Variants in LNP1 observed in about 807,000 individuals in gnomAD.
The protein encoded by LNP1 is leukemia NUP98 fusion partner 1.
LNP1 carries 12 observed loss-of-function variants against 14.5 expected under a neutral mutation model. The observed-to-expected ratio is 0.83, with a 90% CI of 0.53 to 1.34. The LOEUF is 1.34. Ranked by LOEUF, LNP1 falls within the 40% of genes most tolerant of loss-of-function variation. The pLI, the probability that LNP1 is intolerant of heterozygous loss-of-function variation, is 0.00. For synonymous variants in LNP1, 75 were observed against 71.4 expected, an observed-to-expected ratio of 1.05 and a Z score of -0.26; for missense variants, 198 against 210.9, an observed-to-expected ratio of 0.94 and a Z score of 0.38.
At chr3:100,446,005 G>A (rs28783481) in intron 2 of LNP1, among the ~76,000 whole-genome samples, 1,766 of 152,242 alleles carry the variant, frequency 0.012, 23 homozygotes, top group African/African-American at 0.039. Flanking sequence ...AATCAATATC[G>A]TAAAAATGGC....
chr3:100,409,416 G>A (rs1469536809), intron 1 of LNP1, among the ~76,000 whole-genome samples: 3 of 151,464 alleles, frequency 2.0e-5, no homozygotes, highest in Non-Finnish European at 2.9e-5. Flanking sequence ...AGGCTGAGGC[G>A]GGTTGATCAT....
intron 2 of LNP1, among the ~76,000 whole-genome samples, chr3:100,436,655 A>T (rs1401229099): frequency 6.6e-6 from 1 of 152,008 alleles, no homozygotes; most frequent in Non-Finnish European, 1.5e-5. Flanking sequence ...TTTATATTAC[A>T]ATGGGAAGAT....
At chr3:100,424,857 C>T (rs1176098460) in intron 1 of LNP1, among the ~76,000 whole-genome samples, 1 of 152,120 alleles carries the variant, frequency 6.6e-6, no homozygotes, top group Non-Finnish European at 1.5e-5. Flanking sequence ...AGTAGTGTCC[C>T]ACGACACAGT....
intron 3 of LNP1, among the ~76,000 whole-genome samples, chr3:100,455,297 G>A (rs1413425711): frequency 3.9e-5 from 6 of 152,170 alleles, no homozygotes. Context: ...ACATGTCGGG[G>A]GGTGTTAATC....
chr3:100,435,367 CTT>C (rs1707284142), intron 2 of LNP1, among the ~76,000 whole-genome samples: 1 of 152,196 alleles, frequency 6.6e-6, no homozygotes, highest in Admixed American at 6.5e-5. Flanking sequence ...CTTGAGCTCT[CTT>C]TGCCTCCAAT....
chr3:100,401,906 A>G lies in LNP1; in HGVS notation c.-567A>G, dbSNP rs1024229549. The G allele has an allele frequency of 5.9e-5, 9 of 152,204 alleles. No individual in the cohort carries two copies. Among genetic ancestry groups the G allele is most frequent in the African/African-American group, 2.2e-4 (9 of 41,448 alleles). 9.4% of individuals were successfully genotyped at this position (152,204 alleles called of 1,614,324 possible). On this transcript the variant is annotated 5_prime_UTR_variant, in exon 1 of 4. An upstream start codon of the reference 5' UTR is lost. Coordinates refer to ENST00000383693, the MANE Select transcript of LNP1 (RefSeq NM_001085451.2). The stretch of plus-strand genomic sequence containing the variant: ...GGTTTCTTAAACTGAGTTGGTAGAA[A>G]TGCGAAGCGTCAGGGTTCCCGCCGG...
At chr3:100,426,888 CATATA>C (rs1707198229) in intron 1 of LNP1, among the ~76,000 whole-genome samples, 1 of 152,058 alleles carries the variant, frequency 6.6e-6, no homozygotes, top group South Asian at 2.1e-4. Flanking sequence ...AAAGTATAAG[CATATA>C]ATATTTTACA....
intron 2 of LNP1, among the ~76,000 whole-genome samples, chr3:100,432,093 T>C (rs1707249106): frequency 1.4e-5 from 2 of 142,608 alleles, no homozygotes; most frequent in South Asian, 4.4e-4. Flanking sequence ...ATTTTTTGTC[T>C]GCTTTGAGCT....
intron 2 of LNP1, among the ~76,000 whole-genome samples, chr3:100,439,878 T>C (rs1348137418): frequency 6.6e-6 from 1 of 152,148 alleles, no homozygotes; most frequent in Non-Finnish European, 1.5e-5. Flanking sequence ...TCTTTAACCA[T>C]ATTTCTGATT....
chr3:100,447,707 A>G (rs1409129074), intron 2 of LNP1, among the ~76,000 whole-genome samples: 1 of 152,172 alleles, frequency 6.6e-6, no homozygotes, highest in East Asian at 1.9e-4. Flanking sequence ...TCCTTAAACA[A>G]CCAGTCATTT....
chr3:100,434,247 G>T (rs1037248819), intron 2 of LNP1, among the ~76,000 whole-genome samples: 1 of 152,162 alleles, frequency 6.6e-6, no homozygotes, highest in Admixed American at 6.6e-5. Context: ...TTTGTAAAAG[G>T]TGTAAGGAAG....
chr3:100,416,988 A>T (rs1011290236), intron 1 of LNP1, among the ~76,000 whole-genome samples: 1 of 152,132 alleles, frequency 6.6e-6, no homozygotes, highest in Non-Finnish European at 1.5e-5. Context: ...TGCTAGGTAT[A>T]AAATTCCTAG....
At chr3:100,454,508 A>G (rs1707490509) in intron 3 of LNP1, among the ~76,000 whole-genome samples, 1 of 152,172 alleles carries the variant, frequency 6.6e-6, no homozygotes, top group African/African-American at 2.4e-5. Flanking sequence ...CTAGATTTAA[A>G]TTTTACATAT....
intron 1 of LNP1, among the ~76,000 whole-genome samples, chr3:100,417,369 T>C (rs1707094830): frequency 7.7e-6 from 1 of 130,634 alleles, no homozygotes; most frequent in Non-Finnish European, 1.5e-5. Context: ...TCTTTCTTTT[T>C]TCTTTTTTTT....
rs550804248 is a variant in LNP1, at chr3:100,429,787, T to C, written c.58T>C (p.Phe20Leu). The change falls in exon 2 of 4, where the codon TTC (phenylalanine) becomes CTC (leucine). Residue 20 changes from phenylalanine (F) to leucine (L), a missense_variant. Coordinates refer to ENST00000383693, the MANE Select transcript of LNP1 (RefSeq NM_001085451.2). ...DVSFAKWMSS[F>L]WGHSWREEDQ... ...GTCTTTTGCCAAATGGATGAGCAGC[T>C]TCTGGGGCCACAGCTGGAGAGAGGA... The C allele has an allele frequency of 5.6e-6, 9 of 1,613,832 alleles. No homozygotes were observed. Among genetic ancestry groups the C allele is most frequent in the Non-Finnish European group, 7.6e-6 (9 of 1,179,956 alleles).
chr3:100,421,486 G>A (rs780685901), intron 1 of LNP1, among the ~76,000 whole-genome samples: 3 of 152,118 alleles, frequency 2.0e-5, no homozygotes, highest in Non-Finnish European at 4.4e-5. Flanking sequence ...ACCCTGTATT[G>A]TATTTTATTT....
intron 1 of LNP1, among the ~76,000 whole-genome samples, chr3:100,406,849 G>GTATC (rs1413825410): frequency 6.6e-6 from 1 of 152,084 alleles, no homozygotes; most frequent in Non-Finnish European, 1.5e-5. Flanking sequence ...TATTTTTAGT[G>GTATC]TATCTATTGT....
intron 2 of LNP1, among the ~76,000 whole-genome samples, chr3:100,432,128 G>A (rs542155061): frequency 3.4e-5 from 5 of 146,086 alleles, no homozygotes; most frequent in African/African-American, 1.0e-4. Context: ...AAAGAGAAAA[G>A]CTTACTCTTA....
intron 1 of LNP1, among the ~76,000 whole-genome samples, chr3:100,404,824 G>A (rs1212448569): frequency 4.0e-5 from 5 of 125,400 alleles, no homozygotes; most frequent in Non-Finnish European, 6.3e-5. Context: ...ATGGAATTTC[G>A]CTCTGTTGCC....
Sources: allele counts gnomAD v4.1 joint callset (sites outside exome capture counted in the v4.1 genomes callset), GRCh38; gene constraint gnomAD v4.1.1; transcripts MANE v1.5; gene names NCBI Gene and HGNC (gene_info 2026-07-23, HGNC 2026-07-21).